Variants in COG5 observed in about 807,000 individuals in gnomAD.
COG5 encodes the protein component of oligomeric golgi complex 5.
Under a neutral mutation model 110.4 loss-of-function variants are expected in COG5, and 86 were observed. The observed-to-expected ratio is 0.78, with a 90% CI of 0.65 to 0.93. The LOEUF (loss-of-function observed/expected upper bound fraction) is 0.93, where lower values mean the gene tolerates loss of function less well. Among genes scored for constraint, COG5 ranks in the 40% least tolerant of loss-of-function variants. The pLI is 0.00. For missense variants in COG5, 1,077 were observed against 987.0 expected, an observed-to-expected ratio of 1.09 and a Z score of -1.22; for synonymous variants, 360 against 334.6, an observed-to-expected ratio of 1.08 and a Z score of -0.83.
intron 10 of COG5, among the ~76,000 whole-genome samples, chr7:107,332,613 T>C (rs1382345206): frequency 6.6e-6 from 1 of 152,070 alleles, no homozygotes; most frequent in Non-Finnish European, 1.5e-5. Context: ...AAACATGGTC[T>C]GAGAAGTGGG....
At chr7:107,530,567 C>G (rs1801123317) in intron 5 of COG5, among the ~76,000 whole-genome samples, 1 of 142,044 alleles carries the variant, frequency 7.0e-6, no homozygotes, top group Admixed American at 7.4e-5. Flanking sequence ...TGATATTGCA[C>G]TCCAGCCTGG....
At chr7:107,269,474 CAAA>C (rs200139122) in intron 14 of COG5, among the ~76,000 whole-genome samples, 1 of 88,484 alleles carries the variant, frequency 1.1e-5, no homozygotes, top group Non-Finnish European at 2.4e-5. Context: ...GACTCCGTCT[CAAA>C]AAAAAAAAAA....
At chr7:107,264,070 TA>T (rs772697186) in intron 14 of COG5, among the ~76,000 whole-genome samples, 86 of 152,276 alleles carry the variant, frequency 5.6e-4, no homozygotes, top group South Asian at 1.7e-3. Context: ...ACTTATAAAT[TA>T]CAAAAGGGTA....
At chr7:107,270,705 A>C (rs1319949474) in intron 14 of COG5, among the ~76,000 whole-genome samples, 1 of 152,062 alleles carries the variant, frequency 6.6e-6, no homozygotes, top group Non-Finnish European at 1.5e-5. Context: ...TAGTTTCGGT[A>C]ATGTTATTTT....
chr7:107,398,201 C>G (rs190944364), intron 7 of COG5, among the ~76,000 whole-genome samples: 1 of 152,236 alleles, frequency 6.6e-6, no homozygotes, highest in African/African-American at 2.4e-5. Flanking sequence ...TCATAATAAA[C>G]AAAAGCAGTC....
intron 19 of COG5, among the ~76,000 whole-genome samples, chr7:107,212,132 G>A (rs1194055367): frequency 6.6e-6 from 1 of 152,192 alleles, no homozygotes; most frequent in African/African-American, 2.4e-5. Context: ...AGTCAAGAAT[G>A]TTCTCAATAG....
chr7:107,204,400 C>A (rs976645538), intron 21 of COG5, among the ~76,000 whole-genome samples: 2 of 152,098 alleles, frequency 1.3e-5, no homozygotes, highest in South Asian at 4.1e-4. Context: ...AGAAAAAGTT[C>A]GTCAGTCCCT....
intron 10 of COG5, among the ~76,000 whole-genome samples, chr7:107,326,919 G>C (rs1224610440): frequency 6.6e-6 from 1 of 152,176 alleles, no homozygotes; most frequent in East Asian, 1.9e-4. Context: ...GAACACACCT[G>C]TAGTCTCAGC....
intron 6 of COG5, among the ~76,000 whole-genome samples, chr7:107,423,906 T>C (rs1584805226): frequency 6.8e-6 from 1 of 146,922 alleles, no homozygotes; most frequent in East Asian, 1.9e-4. Context: ...TTAAAAATAA[T>C]GAAAAGAATG....
chr7:107,412,409 TAA>T, intron 7 of COG5, 91 bp downstream of exon 7: 2 of 1,170,752 alleles, frequency 1.7e-6, no homozygotes, highest in Admixed American at 1.7e-5. Context: ...TATATTACTA[TAA>T]GACATATATT....
chr7:107,232,192 T>G (rs139117047), intron 18 of COG5, among the ~76,000 whole-genome samples: 52 of 152,320 alleles, frequency 3.4e-4, no homozygotes, highest in African/African-American at 1.1e-3. Flanking sequence ...AGAAAAAGGA[T>G]TCTTGCCAAC....
At chr7:107,419,636 T>C (rs1793133692) in intron 6 of COG5, among the ~76,000 whole-genome samples, 1 of 151,684 alleles carries the variant, frequency 6.6e-6, no homozygotes, top group Non-Finnish European at 1.5e-5. Flanking sequence ...GGCACAATCC[T>C]GGCTCACTGC....
At chr7:107,276,388 T>C (rs753101794) in intron 14 of COG5, among the ~76,000 whole-genome samples, 2 of 152,202 alleles carry the variant, frequency 1.3e-5, no homozygotes, top group African/African-American at 4.8e-5. Flanking sequence ...CTTTCCATTG[T>C]GGCTAGGTAC....
intron 6 of COG5, among the ~76,000 whole-genome samples, chr7:107,465,645 C>T (rs1293028822): frequency 6.6e-6 from 1 of 152,178 alleles, no homozygotes; most frequent in African/African-American, 2.4e-5. Flanking sequence ...GCTGAATATA[C>T]CTGGCAGAAA....
rs1325315434 is a variant in COG5 at position 107,554,386 on chromosome 7, T to C, written c.235-44A>G. On this transcript the variant is annotated intron_variant, in intron 2 of 21. Transcript: ENST00000297135. ...TGATTAGCTTTTGCTCTGTTAGGTATTCTTCCTTGTAACCACAATGTAGAA... is the reference window on the plus strand; with the variant it reads ...TGATTAGCTTTTGCTCTGTTAGGTACTCTTCCTTGTAACCACAATGTAGAA... The C allele has an allele frequency of 2.0e-6, 3 of 1,537,296 alleles. No homozygotes were observed. In the East Asian group the frequency reaches 6.7e-5, roughly 35 times the overall value.
Position 107,206,000 on chromosome 7 carries a change from G to A in COG5, c.2376-2370C>T, listed in dbSNP as rs1291448511. On this transcript the variant is annotated intron_variant, in intron 21 of 21. Coordinates refer to ENST00000297135, the MANE Select transcript of COG5 (RefSeq NM_006348.5). ...TTTTGAGACGGAGTCTTGCTCTGTCGCCCAGGCTGGAGTGCAGTGCCGCAA... is the reference window on the plus strand; with the variant it reads ...TTTTGAGACGGAGTCTTGCTCTGTCACCCAGGCTGGAGTGCAGTGCCGCAA... Among the ~76,000 whole-genome samples, 7 of 149,714 alleles carry A rather than the reference G, an allele frequency of 4.7e-5. No individual in the cohort carries two copies. In the East Asian group the frequency reaches 1.2e-3, roughly 25 times the overall value.
chr7:107,474,388 A>G lies in COG5; in HGVS notation c.538+52849T>C. 1.2e-6 allele frequency: 2 copies of G among 1,612,752 alleles called. No individual in the cohort carries two copies. The highest frequency in any genetic ancestry group is 1.7e-6 in the Non-Finnish European group (2 of 1,178,910). On this transcript the variant is annotated intron_variant, in intron 6 of 21. Coordinates refer to ENST00000297135, the MANE Select transcript of COG5 (RefSeq NM_006348.5). The surrounding 1 kb of genome is among the most constrained non-coding windows in gnomAD (Gnocchi z 5.7). The stretch of plus-strand genomic sequence containing the variant: ...TATCCTTCTGCTTTCACTGGAGAGT[A>G]ACACTGCTCTCATTTGCTGTTTCCA...
At chr7:107,517,714 T>C (rs533949950) in intron 6 of COG5, among the ~76,000 whole-genome samples, 1 of 151,828 alleles carries the variant, frequency 6.6e-6, no homozygotes, top group Non-Finnish European at 1.5e-5. Context: ...TTTTTTTTTT[T>C]TGTGATGGAG....
intron 6 of COG5, among the ~76,000 whole-genome samples, chr7:107,476,065 T>C (rs549235780): frequency 1.3e-4 from 20 of 150,278 alleles, no homozygotes; most frequent in Non-Finnish European, 2.7e-4. Flanking sequence ...ATGCCTATAA[T>C]ATACAAATGA....
Sources: allele counts gnomAD v4.1 joint callset (sites outside exome capture counted in the v4.1 genomes callset), GRCh38; gene constraint gnomAD v4.1.1; non-coding constraint Gnocchi (gnomAD v3.1); transcripts MANE v1.5; gene names NCBI Gene and HGNC (gene_info 2026-07-23, HGNC 2026-07-21).